Variants in RBM33 observed in about 807,000 individuals in gnomAD.
RBM33 encodes the protein RNA binding motif protein 33.
Under a neutral mutation model 132.6 loss-of-function variants are expected in RBM33, and 28 were observed. The observed-to-expected ratio is 0.21, with a 90% CI of 0.16 to 0.29. RBM33 has a LOEUF of 0.29. RBM33 is among the 10% of genes least tolerant of loss of function. RBM33 has a pLI of 1.00. For missense variants in RBM33, 1,291 were observed against 1,518.5 expected (o/e 0.85, Z 2.49); for synonymous variants, 634 against 593.0 (o/e 1.07, Z -1.01).
intron 14 of RBM33, among the ~76,000 whole-genome samples, chr7:155,748,479 C>T (rs1024999286): frequency 6.6e-6 from 1 of 152,156 alleles, no homozygotes; most frequent in African/African-American, 2.4e-5. Context: ...AGTTTTCTTG[C>T]CATTCTTACT....
At chr7:155,687,653 A>G (rs1159537009) in intron 5 of RBM33, among the ~76,000 whole-genome samples, 5 of 152,148 alleles carry the variant, frequency 3.3e-5, no homozygotes, top group Non-Finnish European at 5.9e-5. Context: ...TAATTTTCGT[A>G]TAAGGTGTAA....
chr7:155,705,374 ATG>A (rs2116966347), intron 6 of RBM33, among the ~76,000 whole-genome samples: 1 of 152,342 alleles, frequency 6.6e-6, no homozygotes, highest in East Asian at 1.9e-4. Context: ...ACTGCGTAAA[ATG>A]TGTGTGTGAA....
intron 6 of RBM33, among the ~76,000 whole-genome samples, chr7:155,703,764 C>G (rs1339488091): frequency 6.6e-6 from 1 of 152,082 alleles, no homozygotes; most frequent in East Asian, 1.9e-4. Flanking sequence ...GTAAACTAGA[C>G]ATTTGAATAC....
intron 12 of RBM33, among the ~76,000 whole-genome samples, chr7:155,741,321 C>A (rs190815943): frequency 6.6e-6 from 1 of 151,846 alleles, no homozygotes; most frequent in Non-Finnish European, 1.5e-5. Flanking sequence ...CATTTCCTCT[C>A]GAGTAAAACG....
At chr7:155,682,989 A>C (rs1398402698) in intron 5 of RBM33, among the ~76,000 whole-genome samples, 1 of 150,854 alleles carries the variant, frequency 6.6e-6, no homozygotes, top group Non-Finnish European at 1.5e-5. Flanking sequence ...TTTTTTTTTC[A>C]GAATTAAAGT....
chr7:155,700,545 CCTTTTTTTTTTTT>C (rs1799927815), intron 5 of RBM33, among the ~76,000 whole-genome samples: 1 of 82,804 alleles, frequency 1.2e-5, no homozygotes, highest in African/African-American at 4.3e-5. Flanking sequence ...AAGAATTTGA[CCTTTTTTTTTTTT>C]TTTTTTTTTT....
chr7:155,644,753 C>T lies in RBM33; in HGVS notation c.-124C>T. ...GTGGACCGCGAAGCGCCCGGCTTCG[C>T]CTCTGCCTCCTGCAGCCCCCTCCCT... is the stretch of plus-strand genomic sequence containing the variant. On this transcript the variant is annotated 5_prime_UTR_variant, in exon 1 of 18. Coordinates refer to ENST00000401878, the MANE Select transcript of RBM33 (RefSeq NM_053043.3). 1.3e-6 allele frequency: 1 copy of T among 768,618 alleles called. No individual in the cohort carries two copies. Among genetic ancestry groups the T allele is most frequent in the Non-Finnish European group, 1.9e-6 (1 of 522,074 alleles). 47.6% of individuals were successfully genotyped at this position (768,618 alleles called of 1,614,324 possible). A position where few individuals can be genotyped will look rare whatever the true frequency, so the allele number is the denominator to read the frequency against.
intron 7 of RBM33, 159 bp downstream of exon 7, chr7:155,707,227 G>A: frequency 1.4e-6 from 1 of 733,454 alleles, no homozygotes; most frequent in Non-Finnish European, 2.5e-6. Flanking sequence ...CTCATGTGAT[G>A]TTGCATATAG....
rs760677041 is a variant in RBM33, at chr7:155,745,268, G to A, written c.2645G>A (p.Ser882Asn). ...NRLLVKNQDV[S>N]ISNVQPKTSN... ...CTTCTTGTTAAAAACCAGGATGTCA[G>A]TATTTCAAACGTTCAGCCCAAAACA... Residue 882 changes from serine to asparagine, a missense_variant, in exon 14 of 18, where the codon AGT becomes AAT. Around this residue, in one of 7 missense-constraint regions of RBM33, gnomAD observed 841 missense variants for 912.0 expected, o/e 0.92. Transcript: ENST00000401878. This position sits in a 1 kb window ranked among gnomAD's most constrained non-coding sequence, Gnocchi z 4.1. 5 of 1,612,836 alleles carry A rather than the reference G, an allele frequency of 3.1e-6. No homozygotes were observed. The South Asian group carries it at 4.4e-5, about 14-fold the overall frequency.
intron 7 of RBM33, among the ~76,000 whole-genome samples, chr7:155,709,962 C>G (rs1040245932): frequency 6.6e-6 from 1 of 152,196 alleles, no homozygotes; most frequent in African/African-American, 2.4e-5. Context: ...CAGACTATGG[C>G]TTTTCCATTG....
At chr7:155,672,531 C>T (rs779610249) in intron 2 of RBM33, among the ~76,000 whole-genome samples, 21 of 152,126 alleles carry the variant, frequency 1.4e-4, no homozygotes, top group Non-Finnish European at 2.4e-4. Context: ...CCAAGGCAGG[C>T]GGATCATGAG....
chr7:155,739,798 T>TCCGCACCAGCCCCCGCACCAGCCC lies in RBM33; in HGVS notation c.1826_1849dup (p.His609_Pro616dup). On this transcript the variant is annotated inframe_insertion, in exon 12 of 18. Coordinates refer to ENST00000401878, the MANE Select transcript of RBM33 (RefSeq NM_053043.3). ...AACAGCCCCCGCCACAGCACCAGCC[T>TCCGCACCAGCCCCCGCACCAGCCC]CCGCACCAGCCCCCGCACCAGCCCC... The TCCGCACCAGCCCCCGCACCAGCCC allele has an allele frequency of 1.4e-6, 2 of 1,417,940 alleles. No individual in the cohort carries two copies. The highest frequency in any genetic ancestry group is 9.4e-7 in the Non-Finnish European group (1 of 1,063,314). 87.8% of individuals were successfully genotyped at this position (1,417,940 alleles called of 1,614,324 possible).
chr7:155,670,018 C>G (rs533959749), intron 2 of RBM33, among the ~76,000 whole-genome samples: 1 of 152,220 alleles, frequency 6.6e-6, no homozygotes, highest in Non-Finnish European at 1.5e-5. Flanking sequence ...GACCCAGAGA[C>G]TACAGCCCCA....
At chr7:155,675,455 A>G (rs1722399619) in intron 3 of RBM33, among the ~76,000 whole-genome samples, 1 of 152,168 alleles carries the variant, frequency 6.6e-6, no homozygotes, top group Admixed American at 6.5e-5. Context: ...CAGTGTCCCT[A>G]GTCACTCCTG....
chr7:155,661,695 A>G (rs1413616470), intron 1 of RBM33, among the ~76,000 whole-genome samples: 1 of 152,184 alleles, frequency 6.6e-6, no homozygotes, highest in African/African-American at 2.4e-5. Context: ...GGTGTGAGCC[A>G]CTGCACCTGG....
In RBM33 at chr7:155,774,594, A is replaced by G; in HGVS notation, c.3411A>G (p.Ile1137Met). 4 of 1,613,974 alleles carry G rather than the reference A, an allele frequency of 2.5e-6. No homozygotes were observed. Among genetic ancestry groups the G allele is most frequent in the Non-Finnish European group, 3.4e-6 (4 of 1,179,852 alleles). The part of the protein sequence containing the change: ...LQMLPQQRKA[I>M]AKFKEPAHAL... ...TGCTTCCTCAGCAACGGAAAGCCAT[A>G]GCTAAGTTCAAGGAGCCAGCCCACG... Residue 1137 changes from isoleucine to methionine, a missense_variant, in exon 17 of 18, where the codon ATA becomes ATG. Ile to Met is a conservative substitution (Grantham distance 10). Coordinates refer to ENST00000401878, the MANE Select transcript of RBM33 (RefSeq NM_053043.3). The surrounding 1 kb of genome is among the most constrained non-coding windows in gnomAD (Gnocchi z 4.2).
rs574182203 is a variant in RBM33, at chr7:155,745,321, A to G, written c.2698A>G (p.Met900Val). 5.0e-6 allele frequency: 8 copies of G among 1,613,262 alleles called. No homozygotes were observed. In the South Asian group the frequency reaches 6.6e-5, roughly 13 times the overall value. ...TSNFVPSSANMQYQGQQMKAL... is the reference protein window; with the variant it reads ...TSNFVPSSANVQYQGQQMKAL... The stretch of plus-strand genomic sequence containing the variant: ...CAATTTTGTACCATCCAGTGCCAAC[A>G]TGCAGTATCAAGGACAACAGATGAA... The change falls in exon 14 of 18, where the codon ATG becomes GTG. Residue 900 changes from methionine (M) to valine (V), a missense_variant. Met to Val is a conservative substitution (Grantham distance 21). Transcript: ENST00000401878. This position sits in a 1 kb window ranked among gnomAD's most constrained non-coding sequence, Gnocchi z 4.1.
In RBM33 at chr7:155,739,709, T is replaced by C. The variant is rs1445191158; in HGVS notation, c.1738-6T>C. 6.5e-7 allele frequency: 1 copy of C among 1,541,586 alleles called. No individual in the cohort carries two copies. Among genetic ancestry groups the C allele is most frequent in the Admixed American group, 2.0e-5 (1 of 50,054 alleles). On this transcript the variant is annotated splice_region_variant and splice_polypyrimidine_tract_variant and intron_variant, in intron 11 of 17. Coordinates refer to ENST00000401878, the MANE Select transcript of RBM33 (RefSeq NM_053043.3). ...ACTGTTGTTTCTCTTTCTTTGGAAATGGAAGGGGCCGTTGCATCCTCCATT... is the reference window on the plus strand; with the variant it reads ...ACTGTTGTTTCTCTTTCTTTGGAAACGGAAGGGGCCGTTGCATCCTCCATT...
In RBM33 at chr7:155,741,835, A is replaced by G; in HGVS notation, c.2066A>G (p.Asn689Ser). ...TGTGAAAAGAATACAACTTCTCAGA[A>G]TGTAAGCAAGCGGCCCATGCAGCAA... ...QGLRHNTTSQ[N>S]VSKRPMQQMQ... The change falls in exon 13 of 18, where the codon AAT (asparagine) becomes AGT (serine). Residue 689 changes from asparagine (N) to serine (S), a missense_variant. Transcript: ENST00000401878. 2 of 1,611,494 alleles carry G rather than the reference A, an allele frequency of 1.2e-6. No individual in the cohort carries two copies. Among genetic ancestry groups the G allele is most frequent in the Non-Finnish European group, 1.7e-6 (2 of 1,177,688 alleles).
Sources: allele counts gnomAD v4.1 joint callset (sites outside exome capture counted in the v4.1 genomes callset), GRCh38; gene constraint gnomAD v4.1.1; regional missense constraint gnomAD v4.1.1; non-coding constraint Gnocchi (gnomAD v3.1); transcripts MANE v1.5; gene names NCBI Gene and HGNC (gene_info 2026-07-23, HGNC 2026-07-21).